PRSS36: variants seen among roughly 807,000 people sequenced by gnomAD.
The protein encoded by PRSS36 is polyserase-2.
PRSS36 carries 90 observed loss-of-function variants against 94.3 expected under a neutral mutation model. The ratio of observed to expected loss-of-function variants is 0.95; its 90% CI spans 0.80 to 1.14. The LOEUF (loss-of-function observed/expected upper bound fraction) is 1.14. Among genes scored for constraint, PRSS36 ranks in the 50% most tolerant of loss-of-function variants. The pLI is 0.00. For missense variants in PRSS36, 1,158 were observed against 1,135.0 expected, an observed-to-expected ratio of 1.02 and a Z score of -0.29; for synonymous variants, 500 against 489.6, an observed-to-expected ratio of 1.02 and a Z score of -0.28.
chr16:31,143,987 C>G (rs1189635275), intron 6 of PRSS36, 150 bp from the exon 7 acceptor site: 2 of 1,000,666 alleles, frequency 2.0e-6, no homozygotes, highest in South Asian at 3.3e-5. Flanking sequence ...CCCTGCGGCT[C>G]TAAACAGAAG....
At position 31,148,602 on chromosome 16, in the gene PRSS36, C is replaced by G. The variant is rs1339253962; in HGVS notation, c.346G>C (p.Gly116Arg). 6.2e-7 allele frequency: 1 copy of G among 1,611,446 alleles called. No individual in the cohort carries two copies. Among genetic ancestry groups the G allele is most frequent in the South Asian group, 1.1e-5 (1 of 90,984 alleles). ...GVHSQDGPLD[G>R]AHTRAVAAIV... Reference sequence around the variant, plus strand: ...GCGGCCACTGCGCGGGTGTGCGCGCCGTCCAGGGGCCCGTCCTGGGAGTGC... The same window carrying G: ...GCGGCCACTGCGCGGGTGTGCGCGCGGTCCAGGGGCCCGTCCTGGGAGTGC... The change falls in exon 5 of 15, where the codon GGC (glycine) becomes CGC (arginine). Residue 116 changes from glycine to arginine, a missense_variant. Physicochemically the swap from Gly to Arg is moderately radical, Grantham distance 125. Coordinates refer to ENST00000268281, the MANE Select transcript of PRSS36 (RefSeq NM_173502.5).
intron 3 of PRSS36, 59 bp from the exon 4 acceptor site, chr16:31,149,294 A>G: frequency 6.6e-7 from 1 of 1,515,524 alleles, no homozygotes; most frequent in Non-Finnish European, 8.9e-7. Context: ...CCAGAAGCCC[A>G]GGTAACTCAG....
Position 31,142,864 on chromosome 16 carries a change from G to A in PRSS36, c.1230C>T (p.Asp410=). ...GCGTGCGCAGCTGCAGCAGCGCCAGGTCCGAGGCGTTGTCCCACGAAGCGT... is the reference window on the plus strand; with the variant it reads ...GCGTGCGCAGCTGCAGCAGCGCCAGATCCGAGGCGTTGTCCCACGAAGCGT... ...HENASWDNAS[D]LALLQLRTPV... Residue 410 remains aspartate (D), a synonymous_variant, in exon 9 of 15, where the codon GAC becomes GAT. Coordinates refer to ENST00000268281, the MANE Select transcript of PRSS36 (RefSeq NM_173502.5). 3.2e-6 allele frequency: 5 copies of A among 1,561,184 alleles called. No individual in the cohort carries two copies. Among genetic ancestry groups the A allele is most frequent in the Non-Finnish European group, 4.3e-6 (5 of 1,158,280 alleles).
rs2057841137 is a variant in PRSS36 at position 31,148,668 on chromosome 16, T to C, written c.280A>G (p.Thr94Ala). ...GACCACTCGGCCGCGGGCTCCAGCG[T>C]CCCATTCCTGCGCTCGACCGGGGCA... ...SAAHCFMTNG[T>A]LEPAAEWSVL... Residue 94 changes from threonine to alanine, a missense_variant, in exon 5 of 15, where the codon ACG becomes GCG. Coordinates refer to ENST00000268281, the MANE Select transcript of PRSS36 (RefSeq NM_173502.5). The C allele has an allele frequency of 6.2e-7, 1 of 1,612,420 alleles. No individual in the cohort carries two copies. Among genetic ancestry groups the C allele is most frequent in the African/African-American group, 1.3e-5 (1 of 75,010 alleles).
At position 31,141,524 on chromosome 16, in the gene PRSS36, T is replaced by G; in HGVS notation, c.1846A>C (p.Thr616Pro). 1 of 1,613,036 alleles carries G rather than the reference T, an allele frequency of 6.2e-7. No homozygotes were observed. The highest frequency in any genetic ancestry group is 8.5e-7 in the Non-Finnish European group (1 of 1,179,968). Residue 616 changes from threonine to proline, a missense_variant, in exon 12 of 15, where the codon ACT (threonine) becomes CCT (proline). Transcript: ENST00000268281. ...EVHVAGDRVC[T>P]GILLAPGWVL... The stretch of plus-strand genomic sequence containing the variant: ...CAGCCTGGGGCCAGGAGGATCCCAG[T>G]GCAGACTCGATCACCAGCCACATGC...
chr16:31,139,549 G>T, intron 14 of PRSS36, 133 bp from the exon 15 acceptor site: 1 of 1,088,740 alleles, frequency 9.2e-7, no homozygotes, highest in Non-Finnish European at 1.3e-6. Flanking sequence ...TCTCTCCCGG[G>T]TCCAGCTAGG....
chr16:31,149,277 C>T, intron 3 of PRSS36, 42 bp from the exon 4 acceptor site: 3 of 1,525,050 alleles, frequency 2.0e-6, no homozygotes, highest in Non-Finnish European at 2.6e-6. Context: ...CCCTCGGGTT[C>T]CCCACTCCAG....
rs751653922 is a variant in PRSS36, at chr16:31,139,208, A to G, written c.2498T>C (p.Leu833Pro). The change falls in exon 15 of 15, where the codon CTG becomes CCG. Residue 833 changes from leucine (L) to proline (P), a missense_variant. Coordinates refer to ENST00000268281, the MANE Select transcript of PRSS36 (RefSeq NM_173502.5). ...ATGCGGGGATCCCGAGGCCTTGGCC[A>G]GTTCTGGGGGGCAGAGATTGCTGCC... ...TGGSNLCPPE[L>P]AKASGSPHAV... The G allele has an allele frequency of 1.2e-6, 2 of 1,611,788 alleles. No homozygotes were observed. The highest frequency in any genetic ancestry group is 4.5e-5 in the East Asian group (2 of 44,822).
chr16:31,139,048 GA>G lies in PRSS36; in HGVS notation c.*89del. The G allele has an allele frequency of 1.4e-6, 2 of 1,410,730 alleles. No homozygotes were observed. The highest frequency in any genetic ancestry group is 4.8e-5 in the Admixed American group (2 of 41,476). The allele number at this position is 1,410,730 out of a possible 1,614,324, so 87.4% of individuals were successfully genotyped here. On this transcript the variant is annotated 3_prime_UTR_variant, in exon 15 of 15. Coordinates refer to ENST00000268281, the MANE Select transcript of PRSS36 (RefSeq NM_173502.5). ...TGCAATCTCGGTGGGTGGGGCCCTTGAGGTTCCAGCCGGCTGGGCCACATTC... is the reference window on the plus strand; with the variant it reads ...TGCAATCTCGGTGGGTGGGGCCCTTGGGTTCCAGCCGGCTGGGCCACATTC...
chr16:31,149,412 A>C, intron 3 of PRSS36, 51 bp downstream of exon 3: 1 of 1,608,174 alleles, frequency 6.2e-7, no homozygotes, highest in Non-Finnish European at 8.5e-7. Context: ...TCATGGCCTG[A>C]CCAGCCTTAG....
Position 31,138,993 on chromosome 16 carries a change from G to A in PRSS36, c.*145C>T, listed in dbSNP as rs547550960. ...AGGATTCCTGGGTTCAAAATAGCCC[G>A]GGCACTGAGGCCCAATTAGCCAGAG... On this transcript the variant is annotated 3_prime_UTR_variant, in exon 15 of 15. Coordinates refer to ENST00000268281, the MANE Select transcript of PRSS36 (RefSeq NM_173502.5). The A allele has an allele frequency of 1.7e-4, 152 of 902,116 alleles. No individual in the cohort carries two copies. Among genetic ancestry groups the A allele is most frequent in the Middle Eastern group, 6.8e-4 (2 of 2,952 alleles). 55.9% of individuals were successfully genotyped at this position (902,116 alleles called of 1,614,324 possible). A position where few individuals can be genotyped will look rare whatever the true frequency, so the allele number is the denominator to read the frequency against.
chr16:31,145,944 G>C lies in PRSS36; in HGVS notation c.565C>G (p.Leu189Val). 6.2e-7 allele frequency: 1 copy of C among 1,612,052 alleles called. No homozygotes were observed. Among genetic ancestry groups the C allele is most frequent in the Non-Finnish European group, 8.5e-7 (1 of 1,179,058 alleles). Reference sequence around the variant, plus strand: ...TCCACTTCCTGTAGCACCCAGGGGAGAGGCAGAGGATCTGGAGGCAGAACC... The same window carrying C: ...TCCACTTCCTGTAGCACCCAGGGGACAGGCAGAGGATCTGGAGGCAGAACC... ...GDVQEADPLP[L>V]PWVLQEVELR... The change falls in exon 6 of 15, where the codon CTC becomes GTC. Residue 189 changes from leucine to valine, a missense_variant. By Grantham distance (32) the Leu-to-Val change is conservative. Coordinates refer to ENST00000268281, the MANE Select transcript of PRSS36 (RefSeq NM_173502.5).
At position 31,141,895 on chromosome 16, in the gene PRSS36, GTC is replaced by G. The variant is rs1452851900; in HGVS notation, c.1585_1586del (p.Asp529LeufsTer41). On this transcript the variant is annotated frameshift_variant, in exon 11 of 15. Coordinates refer to ENST00000268281, the MANE Select transcript of PRSS36 (RefSeq NM_173502.5). LOFTEE classifies it high-confidence loss of function. Reference sequence around the variant, plus strand: ...GGGGACGTAGACAGCCACTGGGAAAGTCTCTGATTCCAGCCAGAAACCAGGTC... The same window carrying G: ...GGGGACGTAGACAGCCACTGGGAAAGTCTGATTCCAGCCAGAAACCAGGTC... ...EGTWFLAGIR[D>X]FPSGCLRPRA... The G allele has an allele frequency of 3.1e-6, 5 of 1,614,188 alleles. No individual in the cohort carries two copies. In the South Asian group the frequency reaches 5.5e-5, roughly 18 times the overall value.
Position 31,145,938 on chromosome 16 carries a change from A to G in PRSS36, c.571T>C (p.Trp191Arg), listed in dbSNP as rs573256000. 1.3e-5 allele frequency: 21 copies of G among 1,612,896 alleles called. No homozygotes were observed. The Admixed American group carries it at 3.3e-4, about 26-fold the overall frequency. ...CTTAGCTCCACTTCCTGTAGCACCC[A>G]GGGGAGAGGCAGAGGATCTGGAGGC... ...VQEADPLPLP[W>R]VLQEVELRLL... The change falls in exon 6 of 15, where the codon TGG becomes CGG. Residue 191 changes from tryptophan (W) to arginine (R), a missense_variant. Physicochemically the swap from Trp to Arg is moderately radical, Grantham distance 101 (BLOSUM62 -3). Transcript: ENST00000268281.
rs1237294749 is a variant in PRSS36, at chr16:31,142,967, C to G, written c.1127G>C (p.Arg376Pro). 2 of 1,422,972 alleles carry G rather than the reference C, an allele frequency of 1.4e-6. No individual in the cohort carries two copies. The highest frequency in any genetic ancestry group is 3.0e-5 in the African/African-American group (2 of 66,954). The allele number at this position is 1,422,972 out of a possible 1,614,324, so 88.1% of individuals were successfully genotyped here. A position where few individuals can be genotyped will look rare whatever the true frequency, so the allele number is the denominator to read the frequency against. Reference protein sequence around the residue: ...LDPNSSDSPPRDLDAWRVLLP... With the variant: ...LDPNSSDSPPPDLDAWRVLLP... ...CAGCACGCGCCAGGCGTCGAGGTCGCGGGGTGGGCTGTCGGAGCTGTTCGG... is the reference window on the plus strand; with the variant it reads ...CAGCACGCGCCAGGCGTCGAGGTCGGGGGGTGGGCTGTCGGAGCTGTTCGG... Residue 376 changes from arginine to proline, a missense_variant, in exon 9 of 15, where the codon CGC becomes CCC. Transcript: ENST00000268281.
rs767160836 is a variant in PRSS36 at position 31,141,538 on chromosome 16, C to T, written c.1832G>A (p.Gly611Asp). ...GAGGATCCCAGTGCAGACTCGATCACCAGCCACATGCACCTCTGCCAGCCA... is the reference window on the plus strand; with the variant it reads ...GAGGATCCCAGTGCAGACTCGATCATCAGCCACATGCACCTCTGCCAGCCA... ...WPWLAEVHVAGDRVCTGILLA... is the reference protein window; with the variant it reads ...WPWLAEVHVADDRVCTGILLA... The change falls in exon 12 of 15, where the codon GGT becomes GAT. Residue 611 changes from glycine (G) to aspartate (D), a missense_variant. By Grantham distance (94) the Gly-to-Asp change is moderately conservative. Coordinates refer to ENST00000268281, the MANE Select transcript of PRSS36 (RefSeq NM_173502.5). The T allele has an allele frequency of 1.2e-5, 19 of 1,613,254 alleles. No homozygotes were observed. In the African/African-American group the frequency reaches 2.3e-4, roughly 19 times the overall value.
intron 5 of PRSS36, 123 bp downstream of exon 5, chr16:31,148,272 A>G: frequency 9.3e-7 from 1 of 1,076,446 alleles, no homozygotes; most frequent in Non-Finnish European, 1.3e-6. Flanking sequence ...GCAGAAACCT[A>G]CCCTCCAACG....
chr16:31,139,246 G>C lies in PRSS36; in HGVS notation c.2460C>G (p.His820Gln), dbSNP rs1216037947. 2 of 1,614,038 alleles carry C rather than the reference G, an allele frequency of 1.2e-6. No homozygotes were observed. The highest frequency in any genetic ancestry group is 3.3e-5 in the Admixed American group (2 of 59,994). ...ANFLPPSGSPHWPTGGSNLCP... is the reference protein window; with the variant it reads ...ANFLPPSGSPQWPTGGSNLCP... ...AGAGATTGCTGCCTCCAGTGGGCCAGTGTGGGGAGCCACTGGGGGGCAGGA... is the reference window on the plus strand; with the variant it reads ...AGAGATTGCTGCCTCCAGTGGGCCACTGTGGGGAGCCACTGGGGGGCAGGA... Residue 820 changes from histidine (H) to glutamine (Q), a missense_variant, in exon 15 of 15, where the codon CAC becomes CAG. Coordinates refer to ENST00000268281, the MANE Select transcript of PRSS36 (RefSeq NM_173502.5).
chr16:31,142,811 G>A lies in PRSS36; in HGVS notation c.1283C>T (p.Pro428Leu), dbSNP rs766706835. ...TPVNLSAASR[P>L]VCLPHPEHYF... ...GTGTTCCGGGTGGGGTAGGCACACG[G>A]GCCGCGAAGCCGCGCTCAGGTTCAC... The change falls in exon 9 of 15, where the codon CCC (proline) becomes CTC (leucine). Residue 428 changes from proline to leucine, a missense_variant. Pro to Leu is a moderately conservative substitution (Grantham distance 98). Transcript: ENST00000268281. 2.0e-5 allele frequency: 30 copies of A among 1,525,326 alleles called. No individual in the cohort carries two copies. The South Asian group carries it at 3.6e-4, about 18-fold the overall frequency. 94.5% of individuals were successfully genotyped at this position (1,525,326 alleles called of 1,614,324 possible).
Sources: allele counts gnomAD v4.1 joint callset, GRCh38; gene constraint gnomAD v4.1.1; transcripts MANE v1.5; gene names NCBI Gene and HGNC (gene_info 2026-07-23, HGNC 2026-07-21).